The following PBLD variants were observed in gnomAD, a reference collection of about 807,000 sequenced individuals.
PBLD encodes phenazine biosynthesis like protein domain containing, also known as phenazine biosynthesis-like domain-containing protein.
In PBLD, 26 loss-of-function variants were observed where a neutral mutation model predicts 31.3. The observed-to-expected ratio is 0.83, with a 90% CI of 0.61 to 1.15. PBLD has a LOEUF of 1.15. PBLD is among the 50% of genes most tolerant of loss of function. The probability of loss-of-function intolerance (pLI) is 0.00; values close to 1 mark genes in which losing one functional copy is unlikely to be tolerated. For missense variants in PBLD, 307 were observed against 351.7 expected (o/e 0.87, Z 1.02); for synonymous variants, 114 against 129.0 (o/e 0.88, Z 0.79).
intron 2 of PBLD, among the ~76,000 whole-genome samples, chr10:68,299,925 C>T (rs1421783500): frequency 6.6e-6 from 1 of 151,952 alleles, no homozygotes; most frequent in East Asian, 1.9e-4. Flanking sequence ...GAGTCTCGCT[C>T]TGTCACCCTG....
rs570078955 is a variant in PBLD, at chr10:68,306,175, T to G, written c.84+586A>C. Reference sequence around the variant, plus strand: ...TATTTAACTATTAATATTTAACTATTCCATTAATATTTAACTATTCCATTA... The same window carrying G: ...TATTTAACTATTAATATTTAACTATGCCATTAATATTTAACTATTCCATTA... On this transcript the variant is annotated intron_variant, in intron 2 of 9. Transcript: ENST00000358769. Among the ~76,000 whole-genome samples the G allele has an allele frequency of 1.7e-3, 249 of 150,360 alleles. 1 individual carries two copies. The highest frequency in any genetic ancestry group is 6.8e-3 in the Middle Eastern group (2 of 294).
intron 8 of PBLD, 197 bp downstream of exon 8, chr10:68,288,286 C>T: frequency 1.7e-6 from 1 of 603,762 alleles, no homozygotes; most frequent in Non-Finnish European, 2.8e-6. Context: ...CAGGTTTAAC[C>T]CTGTTATCCA....
intron 4 of PBLD, among the ~76,000 whole-genome samples, chr10:68,292,987 A>G (rs1294346498): frequency 6.6e-6 from 1 of 152,190 alleles, no homozygotes; most frequent in African/African-American, 2.4e-5. Context: ...CAGCCTCCCC[A>G]GTAGCTGGGA....
intron 3 of PBLD, among the ~76,000 whole-genome samples, chr10:68,296,663 C>T (rs1433379588): frequency 6.6e-6 from 1 of 152,174 alleles, no homozygotes; most frequent in East Asian, 1.9e-4. Context: ...AAAGATCATT[C>T]CCCCACCTAA....
intron 1 of PBLD, among the ~76,000 whole-genome samples, chr10:68,319,926 C>T (rs765305554): frequency 1.3e-4 from 20 of 151,388 alleles, no homozygotes; most frequent in Admixed American, 1.1e-3. Context: ...CAGGTTCAAG[C>T]GATTCTCCTG....
At position 68,283,760 on chromosome 10, in the gene PBLD, T is replaced by A. The variant is rs2044254408; in HGVS notation, c.*417A>T. 6.1e-6 allele frequency: 1 copy of A among 164,908 alleles called. No homozygotes were observed. Among genetic ancestry groups the A allele is most frequent in the Non-Finnish European group, 1.3e-5 (1 of 75,330 alleles). The allele number at this position is 164,908 out of a possible 1,614,324, so 10.2% of individuals were successfully genotyped here. ...TTTCAATTTTGTGTGTGTGTGTGTG[T>A]GTGTGGATGGAGTCTTACTCTGTTG... On this transcript the variant is annotated 3_prime_UTR_variant, in exon 10 of 10. Coordinates refer to ENST00000358769, the MANE Select transcript of PBLD (RefSeq NM_022129.4).
intron 1 of PBLD, among the ~76,000 whole-genome samples, chr10:68,308,475 T>A (rs1357608578): frequency 2.9e-5 from 4 of 137,832 alleles, no homozygotes; most frequent in Non-Finnish European, 4.7e-5. Flanking sequence ...AGACAGTATA[T>A]GAGAGTGTCT....
In PBLD at chr10:68,323,935, C is replaced by T. The variant is rs188401093; in HGVS notation, c.-60+8849G>A. 3.0e-3 allele frequency among the ~76,000 whole-genome samples: 461 copies of T among 152,288 alleles called. 3 individuals are homozygous for T. Among genetic ancestry groups the T allele is most frequent in the South Asian group, 0.014 (66 of 4,826 alleles). ...TATATGTCAATGAATGCCAAATCTA[C>T]ATTCCTATCCAGATTAATTTCCTAC... On this transcript the variant is annotated intron_variant, in intron 1 of 9. Coordinates refer to ENST00000358769, the MANE Select transcript of PBLD (RefSeq NM_022129.4).
chr10:68,325,472 G>A (rs1212436572), intron 1 of PBLD, among the ~76,000 whole-genome samples: 1 of 152,176 alleles, frequency 6.6e-6, no homozygotes, highest in Non-Finnish European at 1.5e-5. Flanking sequence ...GGCTAAGGCA[G>A]GAGAATCACC....
At chr10:68,297,960 A>AAT (rs975285876) in intron 2 of PBLD, among the ~76,000 whole-genome samples, 1 of 8,158 alleles carries the variant, frequency 1.2e-4, no homozygotes, top group East Asian at 6.5e-3. Flanking sequence ...AGATTTAAAT[A>AAT]AAAAAAAAAA....
intron 6 of PBLD, among the ~76,000 whole-genome samples, chr10:68,290,848 T>A (rs987254860): frequency 6.6e-6 from 1 of 152,216 alleles, no homozygotes; most frequent in Admixed American, 6.5e-5. Flanking sequence ...TAAGTTGAGT[T>A]CTTTCTACCA....
At chr10:68,305,784 C>T (rs2044569432) in intron 2 of PBLD, among the ~76,000 whole-genome samples, 1 of 151,974 alleles carries the variant, frequency 6.6e-6, no homozygotes, top group Admixed American at 6.6e-5. Context: ...AAAAACACTG[C>T]TTCCCCCCAA....
chr10:68,289,222 T>C (rs1053308563), intron 6 of PBLD, among the ~76,000 whole-genome samples: 2 of 152,094 alleles, frequency 1.3e-5, no homozygotes, highest in Non-Finnish European at 2.9e-5. Flanking sequence ...AAGAGGCCTC[T>C]GTGAGCCTCA....
chr10:68,307,123 C>T (rs190077330), intron 1 of PBLD, among the ~76,000 whole-genome samples: 2 of 151,932 alleles, frequency 1.3e-5, no homozygotes, highest in East Asian at 1.9e-4. Flanking sequence ...TCCGCCTCCC[C>T]GGTTCAAGCG....
intron 1 of PBLD, among the ~76,000 whole-genome samples, chr10:68,319,193 A>G (rs1323861643): frequency 2.0e-5 from 3 of 150,134 alleles, no homozygotes; most frequent in Non-Finnish European, 4.5e-5. Context: ...TGGAGAGTGA[A>G]AAAAAAAAAG....
intron 2 of PBLD, among the ~76,000 whole-genome samples, chr10:68,299,477 C>T (rs2044476027): frequency 6.6e-6 from 1 of 152,072 alleles, no homozygotes; most frequent in Non-Finnish European, 1.5e-5. Flanking sequence ...TCTTTTGAAA[C>T]ATGTTCCATA....
At chr10:68,315,447 T>C (rs1317001805) in intron 1 of PBLD, among the ~76,000 whole-genome samples, 4 of 151,650 alleles carry the variant, frequency 2.6e-5, no homozygotes, top group Non-Finnish European at 5.9e-5. Context: ...CAGCTGAGCA[T>C]GGTGGTGTGT....
chr10:68,290,529 C>T (rs1035591930), intron 6 of PBLD, among the ~76,000 whole-genome samples: 4 of 152,066 alleles, frequency 2.6e-5, no homozygotes, highest in African/African-American at 9.7e-5. Flanking sequence ...ACCAGCCTGA[C>T]CAACATGGAG....
intron 4 of PBLD, among the ~76,000 whole-genome samples, chr10:68,292,572 C>T (rs563537900): frequency 2.0e-5 from 3 of 151,804 alleles, no homozygotes; most frequent in South Asian, 4.2e-4. Flanking sequence ...TGCAGTGGCA[C>T]GATCTCAGCT....
Sources: gnomAD v4.1 joint callset for allele counts (sites outside exome capture counted in the v4.1 genomes callset) on GRCh38, gnomAD v4.1.1 for gene constraint, MANE v1.5 for transcripts, NCBI Gene and HGNC (gene_info 2026-07-23, HGNC 2026-07-21) for gene names.